Variants in EIF2S1 observed in about 807,000 individuals in gnomAD.
EIF2S1 encodes eukaryotic translation initiation factor 2 subunit alpha.
A neutral mutation model predicts 33.5 loss-of-function variants in EIF2S1; 5 were observed. That is an observed-to-expected ratio of 0.15 (90% confidence interval 0.08 to 0.31). The LOEUF (loss-of-function observed/expected upper bound fraction) is 0.31, where lower values mean the gene tolerates loss of function less well. Ranked by LOEUF, EIF2S1 falls within the 10% of genes least tolerant of loss-of-function variation. The pLI is 1.00. For synonymous variants in EIF2S1, 99 were observed against 127.5 expected (o/e 0.78, Z 1.51); for missense variants, 191 against 384.6 (o/e 0.50, Z 4.21).
At chr14:67,361,992 CT>C (rs1208291287) in intron 1 of EIF2S1, among the ~76,000 whole-genome samples, 1 of 148,066 alleles carries the variant, frequency 6.8e-6, no homozygotes, top group Non-Finnish European at 1.5e-5. Flanking sequence ...TACTTAATTA[CT>C]TAGGTAAGAG....
chr14:67,378,314 CTTT>C (rs34487632), intron 4 of EIF2S1, among the ~76,000 whole-genome samples: 15 of 107,622 alleles, frequency 1.4e-4, no homozygotes, highest in African/African-American at 4.5e-4. Flanking sequence ...TCTCATGTGA[CTTT>C]TTTTTTTTTT....
chr14:67,377,330 T>C (rs1386480413), intron 4 of EIF2S1, among the ~76,000 whole-genome samples: 1 of 152,160 alleles, frequency 6.6e-6, no homozygotes, highest in Non-Finnish European at 1.5e-5. Context: ...CCACTGCATA[T>C]TCATGGTCTC....
At chr14:67,362,969 G>A (rs2085752585) in intron 1 of EIF2S1, among the ~76,000 whole-genome samples, 1 of 152,076 alleles carries the variant, frequency 6.6e-6, no homozygotes, top group Non-Finnish European at 1.5e-5. Flanking sequence ...ATCCCTTCAG[G>A]ATTCTCTTAC....
chr14:67,377,616 A>G (rs1224637536), intron 4 of EIF2S1, among the ~76,000 whole-genome samples: 1 of 152,132 alleles, frequency 6.6e-6, no homozygotes, highest in African/African-American at 2.4e-5. Flanking sequence ...TTGCTCTCAA[A>G]CTAGTCTTGC....
At chr14:67,376,348 T>C (rs1223416668) in intron 3 of EIF2S1, 91 bp from the exon 4 acceptor site, 1 of 1,252,684 alleles carries the variant, frequency 8.0e-7, no homozygotes, top group Admixed American at 2.6e-5. Flanking sequence ...AAGGAATTAT[T>C]GTAGCCAAAT....
intron 3 of EIF2S1, among the ~76,000 whole-genome samples, chr14:67,375,424 T>A (rs2085852376): frequency 6.6e-6 from 1 of 152,128 alleles, no homozygotes; most frequent in South Asian, 2.1e-4. Flanking sequence ...GCCCAGCCTA[T>A]CCTCAGTTCT....
At position 67,386,268 on chromosome 14, in the gene EIF2S1, T is replaced by C. The variant is rs921726382; in HGVS notation, c.*2828T>C. 1 of 152,622 alleles carries C rather than the reference T, an allele frequency of 6.6e-6. No homozygotes were observed. 9.5% of individuals were successfully genotyped at this position (152,622 alleles called of 1,614,324 possible). A position where few individuals can be genotyped will look rare whatever the true frequency, so the allele number is the denominator to read the frequency against. ...ACCATATAAGGAATAAGTAAAACAT[T>C]AGCTTGTGATTTCTCATTATTCAGG... On this transcript the variant is annotated 3_prime_UTR_variant, in exon 8 of 8. Coordinates refer to ENST00000256383, the MANE Select transcript of EIF2S1 (RefSeq NM_004094.5).
In EIF2S1 at chr14:67,384,215, T is replaced by G. The variant is rs560694669; in HGVS notation, c.*775T>G. 9.2e-5 allele frequency: 14 copies of G among 152,322 alleles called. No individual in the cohort carries two copies. The highest frequency in any genetic ancestry group is 7.2e-4 in the Admixed American group (11 of 15,302). 9.4% of individuals were successfully genotyped at this position (152,322 alleles called of 1,614,324 possible). On this transcript the variant is annotated 3_prime_UTR_variant, in exon 8 of 8. Coordinates refer to ENST00000256383, the MANE Select transcript of EIF2S1 (RefSeq NM_004094.5). ...GTTTATAATTCAGGGTGGTAAAGTA[T>G]GTTTTTAAATTTTAAAAAGCAGCTG...
At chr14:67,368,460 TAAG>T (rs1443052780) in intron 2 of EIF2S1, among the ~76,000 whole-genome samples, 1 of 151,904 alleles carries the variant, frequency 6.6e-6, no homozygotes, top group Non-Finnish European at 1.5e-5. Context: ...ATACAGAAAA[TAAG>T]AAAATATTTA....
intron 7 of EIF2S1, among the ~76,000 whole-genome samples, 168 bp from the exon 8 acceptor site, chr14:67,383,147 T>G (rs962924466): frequency 1.3e-5 from 2 of 152,212 alleles, no homozygotes; most frequent in Non-Finnish European, 2.9e-5. Context: ...TTTCACCTCT[T>G]ATTTATGTAA....
intron 3 of EIF2S1, among the ~76,000 whole-genome samples, chr14:67,375,676 C>T (rs376649804): frequency 1.3e-5 from 2 of 152,254 alleles, no homozygotes; most frequent in East Asian, 1.9e-4. Context: ...GTGTGGTTTA[C>T]ACATTTGAAA....
Position 67,378,414 on chromosome 14 carries a change from G to A in EIF2S1, c.473+1824G>A, listed in dbSNP as rs574163544. On this transcript the variant is annotated intron_variant, in intron 4 of 7. Coordinates refer to ENST00000256383, the MANE Select transcript of EIF2S1 (RefSeq NM_004094.5). ...TTATATAATTCTAACAACAACCTGT[G>A]GTATAAATGCTATTATTATCCTTTT... is the stretch of plus-strand genomic sequence containing the variant. Among the ~76,000 whole-genome samples, 3 of 149,860 alleles carry A rather than the reference G, an allele frequency of 2.0e-5. No individual in the cohort carries two copies. In the East Asian group the frequency reaches 5.9e-4, roughly 29 times the overall value.
At chr14:67,375,159 T>C (rs1420091341) in intron 3 of EIF2S1, among the ~76,000 whole-genome samples, 1 of 152,186 alleles carries the variant, frequency 6.6e-6, no homozygotes, top group Non-Finnish European at 1.5e-5. Flanking sequence ...GATAGCCATT[T>C]AATTTCTTCT....
At chr14:67,364,197 A>C (rs1252811367) in intron 1 of EIF2S1, 1 of 152,154 alleles carries the variant, frequency 6.6e-6, no homozygotes, top group Non-Finnish European at 1.5e-5. Flanking sequence ...GATGCATTTT[A>C]GTTTATTTTG....
Position 67,383,866 on chromosome 14 carries a change from G to C in EIF2S1, c.*426G>C, listed in dbSNP as rs1267873062. On this transcript the variant is annotated 3_prime_UTR_variant, in exon 8 of 8. Coordinates refer to ENST00000256383, the MANE Select transcript of EIF2S1 (RefSeq NM_004094.5). ...TAAATTTCTGGGATATTTAACTATA[G>C]GCTTCTTCCTTCTTGTCACCAGTTA... is the stretch of plus-strand genomic sequence containing the variant. 2.2e-5 allele frequency: 5 copies of C among 227,268 alleles called. No individual in the cohort carries two copies. The highest frequency in any genetic ancestry group is 4.4e-5 in the Non-Finnish European group (5 of 112,792). The allele number at this position is 227,268 out of a possible 1,614,324, so 14.1% of individuals were successfully genotyped here. A position where few individuals can be genotyped will look rare whatever the true frequency, so the allele number is the denominator to read the frequency against.
intron 2 of EIF2S1, among the ~76,000 whole-genome samples, chr14:67,370,984 A>T (rs541633666): frequency 6.6e-6 from 1 of 152,244 alleles, no homozygotes; most frequent in South Asian, 2.1e-4. Flanking sequence ...AGCCGAGGTC[A>T]TGCCACTACA....
At chr14:67,377,719 A>T (rs1174307367) in intron 4 of EIF2S1, among the ~76,000 whole-genome samples, 1 of 152,146 alleles carries the variant, frequency 6.6e-6, no homozygotes, top group Non-Finnish European at 1.5e-5. Flanking sequence ...ATCAGCATAA[A>T]AATATCTCTA....
chr14:67,361,468 G>A (rs2085740260), intron 1 of EIF2S1, among the ~76,000 whole-genome samples: 1 of 152,182 alleles, frequency 6.6e-6, no homozygotes, highest in Admixed American at 6.5e-5. Context: ...TACTTATGTA[G>A]CACTCCTATA....
chr14:67,378,155 T>A (rs1029002378), intron 4 of EIF2S1, among the ~76,000 whole-genome samples: 1 of 150,298 alleles, frequency 6.7e-6, no homozygotes, highest in African/African-American at 2.4e-5. Flanking sequence ...ACTCTTTCAG[T>A]TCTCTATACT....
Sources: allele counts gnomAD v4.1 joint callset (sites outside exome capture counted in the v4.1 genomes callset), GRCh38; gene constraint gnomAD v4.1.1; transcripts MANE v1.5; gene names NCBI Gene and HGNC (gene_info 2026-07-23, HGNC 2026-07-21).